Variants in CPEB1 observed in about 807,000 individuals in gnomAD.
The protein encoded by CPEB1 is cytoplasmic polyadenylation element-binding protein 1.
A neutral mutation model predicts 65.8 loss-of-function variants in CPEB1; 7 were observed. The observed-to-expected ratio is 0.11, with a 90% confidence interval of 0.06 to 0.20. CPEB1 has a LOEUF of 0.20. Ranked by LOEUF, CPEB1 falls within the 10% of genes least tolerant of loss-of-function variation. CPEB1 has a pLI of 1.00. For missense variants in CPEB1, 551 were observed against 712.2 expected (o/e 0.77, Z 2.58); for synonymous variants, 262 against 260.0 (o/e 1.01, Z -0.08).
At chr15:82,605,805 G>A (rs574566976) in intron 3 of CPEB1, among the ~76,000 whole-genome samples, 1 of 152,244 alleles carries the variant, frequency 6.6e-6, no homozygotes, top group South Asian at 2.1e-4. Flanking sequence ...TTGGGAGGCT[G>A]AGGTGGGCGG....
intron 3 of CPEB1, among the ~76,000 whole-genome samples, chr15:82,576,153 C>T (rs761738289): frequency 3.3e-5 from 5 of 152,164 alleles, no homozygotes; most frequent in Admixed American, 2.0e-4. Flanking sequence ...AGGAATAATA[C>T]AGGCAACAAT....
At chr15:82,595,057 T>C (rs762836140) in intron 3 of CPEB1, among the ~76,000 whole-genome samples, 22 of 152,178 alleles carry the variant, frequency 1.4e-4, no homozygotes, top group Admixed American at 6.5e-5. Context: ...AAACATGAAG[T>C]AAGCACATAC....
chr15:82,605,678 C>T (rs2043516251), intron 3 of CPEB1, among the ~76,000 whole-genome samples: 1 of 152,140 alleles, frequency 6.6e-6, no homozygotes, highest in African/African-American at 2.4e-5. Flanking sequence ...TATCTTAAAG[C>T]TAGGAAGAAG....
intron 1 of CPEB1, among the ~76,000 whole-genome samples, chr15:82,637,136 G>C (rs1258760253): frequency 6.6e-6 from 1 of 152,122 alleles, no homozygotes; most frequent in African/African-American, 2.4e-5. Flanking sequence ...ATTAACTAGG[G>C]AACTTTGACC....
intron 3 of CPEB1, chr15:82,583,233 G>A (rs1567200521): frequency 6.6e-6 from 1 of 152,168 alleles, no homozygotes. Flanking sequence ...ACTGCTTATG[G>A]TATGGGGGAG....
chr15:82,570,030 T>C (rs549904872), intron 4 of CPEB1, among the ~76,000 whole-genome samples: 2 of 152,158 alleles, frequency 1.3e-5, no homozygotes, highest in African/African-American at 2.4e-5. Flanking sequence ...TGGAAAAACC[T>C]GAGTCAGCAG....
chr15:82,579,253 G>A (rs1014548902), intron 3 of CPEB1, among the ~76,000 whole-genome samples: 17 of 152,064 alleles, frequency 1.1e-4, no homozygotes, highest in African/African-American at 3.6e-4. Flanking sequence ...CTTGAGCCCA[G>A]GAGTTCAAGA....
chr15:82,557,830 C>G lies in CPEB1; in HGVS notation c.617G>C (p.Arg206Pro). 1 of 1,614,128 alleles carries G rather than the reference C, an allele frequency of 6.2e-7. No homozygotes were observed. Among genetic ancestry groups the G allele is most frequent in the Non-Finnish European group, 8.5e-7 (1 of 1,180,024 alleles). Residue 206 changes from arginine (R) to proline (P), a missense_variant, in exon 5 of 13, where the codon CGA (arginine) becomes CCA (proline). By Grantham distance (103) the Arg-to-Pro change is moderately radical. This residue lies in a region of CPEB1 where 223 missense variants were observed against 228.6 expected (regional missense o/e 0.98). Transcript: ENST00000684509. ...GTCTGAGTCAGAGGGGCTGCTAGATCGAGAGTCCAGGATGGGCCGGGTGTC... is the reference window on the plus strand; with the variant it reads ...GTCTGAGTCAGAGGGGCTGCTAGATGGAGAGTCCAGGATGGGCCGGGTGTC... ...RLDTRPILDS[R>P]SSSPSDSDTS...
chr15:82,647,991 T>A, upstream of CPEB1: 1 of 774,748 alleles, frequency 1.3e-6, no homozygotes, highest in Non-Finnish European at 1.7e-6. Context: ...CCCGGCAGCT[T>A]ATGAAGCTCC....
chr15:82,609,242 G>C (rs2151232742), intron 3 of CPEB1, among the ~76,000 whole-genome samples: 1 of 152,266 alleles, frequency 6.6e-6, no homozygotes, highest in South Asian at 2.1e-4. Context: ...GCTCACACCT[G>C]TAATCCCAGA....
intron 1 of CPEB1, among the ~76,000 whole-genome samples, chr15:82,636,530 A>C (rs1182298319): frequency 6.6e-6 from 1 of 152,202 alleles, no homozygotes; most frequent in Non-Finnish European, 1.5e-5. Context: ...AAATACTACA[A>C]TTTCCAGGAC....
chr15:82,549,375 T>TC lies in CPEB1; in HGVS notation c.1480+84dup, dbSNP rs1234161870. 7.0e-6 allele frequency: 10 copies of TC among 1,426,138 alleles called. No individual in the cohort carries two copies. In the Admixed American group the frequency reaches 1.4e-4, roughly 20 times the overall value. 88.3% of individuals were successfully genotyped at this position (1,426,138 alleles called of 1,614,324 possible). A position where few individuals can be genotyped will look rare whatever the true frequency, so the allele number is the denominator to read the frequency against. On this transcript the variant is annotated intron_variant, in intron 10 of 12. Coordinates refer to ENST00000684509, the MANE Select transcript of CPEB1 (RefSeq NM_001365242.1). ...TCTGCAGACCTGGGTCAGGCCTCTC[T>TC]CCTCACTCCCATGGGGAAGTATCAC...
At chr15:82,578,989 A>G (rs1031570187) in intron 3 of CPEB1, among the ~76,000 whole-genome samples, 2 of 151,978 alleles carry the variant, frequency 1.3e-5, no homozygotes, top group Non-Finnish European at 2.9e-5. Context: ...ACGCCCAGCT[A>G]ATTTTTGAAC....
In CPEB1 at chr15:82,544,714, G is replaced by A. The variant is rs1819834178; in HGVS notation, c.1657-12C>T. The A allele has an allele frequency of 6.3e-7, 1 of 1,597,134 alleles. No homozygotes were observed. Among genetic ancestry groups the A allele is most frequent in the South Asian group, 1.1e-5 (1 of 90,160 alleles). ...TATTTGAAGCAGACCTGGGTTGGGG[G>A]AACAAAAAGGAGGATGCCATGCCTG... is the stretch of plus-strand genomic sequence containing the variant. On this transcript the variant is annotated splice_polypyrimidine_tract_variant and intron_variant, in intron 12 of 12. Coordinates refer to ENST00000684509, the MANE Select transcript of CPEB1 (RefSeq NM_001365242.1).
chr15:82,578,349 T>G (rs890783483), intron 3 of CPEB1, among the ~76,000 whole-genome samples: 1 of 152,212 alleles, frequency 6.6e-6, no homozygotes, highest in African/African-American at 2.4e-5. Flanking sequence ...TGACTAATTT[T>G]TTGCACAGAA....
chr15:82,581,917 C>T (rs763279309), intron 3 of CPEB1, among the ~76,000 whole-genome samples: 4 of 152,184 alleles, frequency 2.6e-5, no homozygotes, highest in Admixed American at 6.5e-5. Flanking sequence ...CCCATGACTA[C>T]AGAGACCAGT....
chr15:82,556,527 T>C (rs1762843709), intron 5 of CPEB1: 1 of 170,710 alleles, frequency 5.9e-6, no homozygotes, highest in Non-Finnish European at 1.2e-5. Context: ...ATGCCAAAAA[T>C]GCTATCTATG....
At chr15:82,600,384 T>C (rs1305620720) in intron 3 of CPEB1, among the ~76,000 whole-genome samples, 2 of 152,082 alleles carry the variant, frequency 1.3e-5, no homozygotes, top group South Asian at 2.1e-4. Context: ...AATAAAAATA[T>C]TCATCTTTAA....
intron 3 of CPEB1, among the ~76,000 whole-genome samples, chr15:82,583,997 C>A (rs2041531276): frequency 6.6e-6 from 1 of 152,086 alleles, no homozygotes; most frequent in Non-Finnish European, 1.5e-5. Flanking sequence ...TGGTGGCTCA[C>A]ACCTGTAATC....
Sources: gnomAD v4.1 joint callset for allele counts (sites outside exome capture counted in the v4.1 genomes callset) on GRCh38, gnomAD v4.1.1 for gene constraint, gnomAD v4.1.1 regional missense constraint, MANE v1.5 for transcripts, NCBI Gene and HGNC (gene_info 2026-07-23, HGNC 2026-07-21) for gene names.